The following RFX8 variants were observed in gnomAD, a reference collection of about 807,000 sequenced individuals.
RFX8 encodes regulatory factor X8.
In RFX8, 46 loss-of-function variants were observed where a neutral mutation model predicts 54.6. That is an observed-to-expected ratio of 0.84 (90% CI 0.67 to 1.08). RFX8 has a LOEUF of 1.08. RFX8 is among the 50% of genes least tolerant of loss of function. RFX8 has a pLI of 0.00. For synonymous variants in RFX8, 192 were observed against 209.5 expected (o/e 0.92, Z 0.72); for missense variants, 536 against 562.3 (o/e 0.95, Z 0.47).
intron 1 of RFX8, chr2:101,474,407 G>A (rs948646841): frequency 1.1e-5 from 4 of 380,582 alleles, no homozygotes; most frequent in Non-Finnish European, 9.3e-6. Flanking sequence ...GGGCGCGCGG[G>A]GCGCGGGGCG....
intron 3 of RFX8, among the ~76,000 whole-genome samples, 174 bp downstream of exon 3, chr2:101,422,188 C>T (rs546206938): frequency 8.5e-5 from 13 of 152,256 alleles, no homozygotes; most frequent in Admixed American, 6.5e-4. Flanking sequence ...ATAGGGAACC[C>T]TGAACTTGCT....
At chr2:101,435,774 C>T (rs1445082515) in intron 2 of RFX8, among the ~76,000 whole-genome samples, 3 of 152,064 alleles carry the variant, frequency 2.0e-5, no homozygotes, top group Non-Finnish European at 2.9e-5. Flanking sequence ...ATGTGCTGGA[C>T]TTTGTGAGGT....
At chr2:101,421,922 A>AT (rs957253742) in intron 3 of RFX8, 145 bp from the exon 4 acceptor site, 39 of 618,582 alleles carry the variant, frequency 6.3e-5, no homozygotes, top group African/African-American at 5.6e-5. Flanking sequence ...GGGCCACAGC[A>AT]TTTTTTTTGT....
intron 11 of RFX8, among the ~76,000 whole-genome samples, chr2:101,398,082 T>C (rs187047462): frequency 2.6e-5 from 4 of 152,290 alleles, no homozygotes; most frequent in South Asian, 4.1e-4. Flanking sequence ...GGTTTCGAAC[T>C]CCTGACCTCA....
chr2:101,453,644 T>TA (rs1165300135), intron 2 of RFX8, among the ~76,000 whole-genome samples: 3 of 152,046 alleles, frequency 2.0e-5, no homozygotes, highest in African/African-American at 7.2e-5. Flanking sequence ...AAAGCCCCAA[T>TA]ATGTGTAAGC....
intron 9 of RFX8, among the ~76,000 whole-genome samples, chr2:101,406,998 C>T (rs147163639): frequency 3.0e-4 from 46 of 152,268 alleles, no homozygotes; most frequent in African/African-American, 1.1e-3. Flanking sequence ...TCCCTCTACC[C>T]AGACAGAGAG....
chr2:101,403,266 C>T (rs1326204070), intron 10 of RFX8, among the ~76,000 whole-genome samples: 1 of 152,162 alleles, frequency 6.6e-6, no homozygotes, highest in African/African-American at 2.4e-5. Flanking sequence ...GCTGGCATTC[C>T]ACCTGTGAGA....
chr2:101,474,630 A>C lies in RFX8; in HGVS notation c.-53+6T>G, dbSNP rs1690211740. 4.8e-6 allele frequency: 1 copy of C among 208,376 alleles called. No homozygotes were observed. The allele number at this position is 208,376 out of a possible 1,614,324, so 12.9% of individuals were successfully genotyped here. A position where few individuals can be genotyped will look rare whatever the true frequency, so the allele number is the denominator to read the frequency against. On this transcript the variant is annotated splice_donor_region_variant and intron_variant, in intron 1 of 11. Transcript: ENST00000428343. ...ACAGGGACGCGAACAACAAGCACCA[A>C]CTTACACCTTTTCCAATCTGGTCGC... is the stretch of plus-strand genomic sequence containing the variant.
At position 101,414,905 on chromosome 2, in the gene RFX8, A is replaced by C; in HGVS notation, c.510T>G (p.Thr170=). 3 of 1,549,768 alleles carry C rather than the reference A, an allele frequency of 1.9e-6. No homozygotes were observed. The highest frequency in any genetic ancestry group is 2.6e-6 in the Non-Finnish European group (3 of 1,146,070). Residue 170 remains threonine (T), a synonymous_variant, in exon 7 of 12, where the codon ACT becomes ACG. Transcript: ENST00000428343. ...LLQISKLKEV[T]LFVKRLRRKT... is the part of the protein sequence containing the mutation. ...TTCTTCTTAGTCTTTTGACAAATAG[A>C]GTAACTTCTGTTAAGAACAACACAC...
chr2:101,471,694 T>C (rs143309364), intron 1 of RFX8, among the ~76,000 whole-genome samples: 1 of 152,218 alleles, frequency 6.6e-6, no homozygotes, highest in African/African-American at 2.4e-5. Flanking sequence ...TCCCCGTTTC[T>C]GCAGTCTTTC....
intron 2 of RFX8, 135 bp downstream of exon 2, chr2:101,466,642 C>G: frequency 2.8e-6 from 2 of 714,182 alleles, no homozygotes; most frequent in Non-Finnish European, 5.0e-6. Context: ...GGATGTTGAC[C>G]AGCTGGTGGG....
At chr2:101,473,610 T>C (rs1690132314) in intron 1 of RFX8, among the ~76,000 whole-genome samples, 1 of 152,232 alleles carries the variant, frequency 6.6e-6, no homozygotes, top group Non-Finnish European at 1.5e-5. Flanking sequence ...ATAACAGTTA[T>C]TCACCTTGTA....
chr2:101,434,102 A>G (rs1339553269), intron 2 of RFX8, among the ~76,000 whole-genome samples: 1 of 152,176 alleles, frequency 6.6e-6, no homozygotes, highest in East Asian at 1.9e-4. Context: ...GGTAGATAAG[A>G]ATTATCCCCA....
chr2:101,445,936 CT>C (rs1284541223), intron 2 of RFX8, among the ~76,000 whole-genome samples: 2 of 151,936 alleles, frequency 1.3e-5, no homozygotes, highest in Non-Finnish European at 2.9e-5. Context: ...ATTTTGAGAC[CT>C]AATTTTTAAG....
At chr2:101,461,663 T>G (rs1417916168) in intron 2 of RFX8, among the ~76,000 whole-genome samples, 2 of 152,178 alleles carry the variant, frequency 1.3e-5, no homozygotes, top group Non-Finnish European at 2.9e-5. Context: ...CATTTTAATA[T>G]AGAGAGCAAA....
chr2:101,413,005 T>C lies in RFX8; in HGVS notation c.628A>G (p.Ile210Val). 2 of 1,552,128 alleles carry C rather than the reference T, an allele frequency of 1.3e-6. No homozygotes were observed. The highest frequency in any genetic ancestry group is 2.4e-5 in the South Asian group (2 of 84,064). Residue 210 changes from isoleucine (I) to valine (V), a missense_variant, in exon 8 of 12, where the codon ATC becomes GTC. Physicochemically the swap from Ile to Val is conservative, Grantham distance 29. Coordinates refer to ENST00000428343, the MANE Select transcript of RFX8 (RefSeq NM_001145664.2). ...GAAGTAGCCAAAGTGCCTTGATTGA[T>C]GATGGCCTGTAGATCTGACTTCAAA... ...SVLKSDLQAIINQGTLATSKK... is the reference protein window; with the variant it reads ...SVLKSDLQAIVNQGTLATSKK...
chr2:101,428,552 A>G (rs1474154435), intron 2 of RFX8, among the ~76,000 whole-genome samples: 1 of 152,206 alleles, frequency 6.6e-6, no homozygotes, highest in African/African-American at 2.4e-5. Context: ...AAGTACTATC[A>G]TATCGTTTTG....
At chr2:101,465,801 C>T (rs1159345650) in intron 2 of RFX8, among the ~76,000 whole-genome samples, 1 of 152,102 alleles carries the variant, frequency 6.6e-6, no homozygotes, top group African/African-American at 2.4e-5. Context: ...CCAACAGTAG[C>T]CAAAAAAAGG....
At chr2:101,410,449 C>A (rs986387790) in intron 9 of RFX8, among the ~76,000 whole-genome samples, 170 bp downstream of exon 9, 2 of 151,446 alleles carry the variant, frequency 1.3e-5, no homozygotes, top group African/African-American at 4.9e-5. Flanking sequence ...GACCCCCATT[C>A]TCCACCTGCT....
Sources: gnomAD v4.1 joint callset for allele counts (sites outside exome capture counted in the v4.1 genomes callset) on GRCh38, gnomAD v4.1.1 for gene constraint, MANE v1.5 for transcripts, NCBI Gene and HGNC (gene_info 2026-07-23, HGNC 2026-07-21) for gene names.